Variants in GULP1 observed in about 807,000 individuals in gnomAD.
GULP1 encodes the protein PTB domain-containing engulfment adapter protein 1.
Under a neutral mutation model 40.9 loss-of-function variants are expected in GULP1, and 19 were observed. The observed-to-expected ratio is 0.46, with a 90% CI of 0.32 to 0.68. The LOEUF is 0.68. GULP1 is among the 30% of genes least tolerant of loss of function. The pLI, the probability that GULP1 is intolerant of heterozygous loss-of-function variation, is 0.03. For synonymous variants in GULP1, 119 were observed against 117.6 expected (o/e 1.01, Z -0.08); for missense variants, 312 against 362.2 (o/e 0.86, Z 1.12).
chr2:188,462,814 C>T (rs1433495275), intron 2 of GULP1, among the ~76,000 whole-genome samples: 3 of 151,936 alleles, frequency 2.0e-5, no homozygotes, highest in Non-Finnish European at 4.4e-5. Context: ...ATGAAGCTTG[C>T]AAATACCATC....
At chr2:188,489,700 C>T (rs1419443989) in intron 4 of GULP1, among the ~76,000 whole-genome samples, 1 of 151,954 alleles carries the variant, frequency 6.6e-6, no homozygotes, top group Non-Finnish European at 1.5e-5. Context: ...GTAATACTGA[C>T]ACGTGTTTAA....
chr2:188,518,867 C>CT (rs1448078299), intron 4 of GULP1, among the ~76,000 whole-genome samples: 1 of 152,252 alleles, frequency 6.6e-6, no homozygotes, highest in East Asian at 1.9e-4. Context: ...TTTATTATCT[C>CT]TATCTTTCAA....
intron 1 of GULP1, among the ~76,000 whole-genome samples, chr2:188,363,827 C>T (rs2152391787): frequency 6.6e-6 from 1 of 152,232 alleles, no homozygotes; most frequent in African/African-American, 2.4e-5. Context: ...CTTTAGCACT[C>T]ATGAAAATAA....
intron 2 of GULP1, among the ~76,000 whole-genome samples, chr2:188,409,904 C>T (rs919755557): frequency 5.3e-5 from 8 of 152,086 alleles, no homozygotes; most frequent in African/African-American, 1.9e-4. Flanking sequence ...CAATCTAGAG[C>T]AAAATGAACA....
intron 6 of GULP1, among the ~76,000 whole-genome samples, chr2:188,529,481 A>G (rs1687001114): frequency 6.6e-6 from 1 of 152,178 alleles, no homozygotes; most frequent in Non-Finnish European, 1.5e-5. Flanking sequence ...TGTGAAAGAG[A>G]TGCATACAGT....
intron 4 of GULP1, among the ~76,000 whole-genome samples, chr2:188,484,677 T>C (rs191028453): frequency 2.8e-4 from 42 of 152,292 alleles, no homozygotes; most frequent in African/African-American, 8.9e-4. Context: ...TAACGGTGTT[T>C]GGTAGGAAAC....
intron 1 of GULP1, among the ~76,000 whole-genome samples, chr2:188,371,847 G>A (rs1338912765): frequency 6.6e-6 from 1 of 152,048 alleles, no homozygotes; most frequent in East Asian, 1.9e-4. Context: ...ACAACATTGA[G>A]CAGGTGTTTG....
At chr2:188,546,381 A>G (rs972559438) in intron 7 of GULP1, among the ~76,000 whole-genome samples, 3 of 152,054 alleles carry the variant, frequency 2.0e-5, no homozygotes, top group Admixed American at 1.3e-4. Context: ...TTCTCTGACT[A>G]TAAGGAAATC....
chr2:188,366,282 C>T (rs546930246), intron 1 of GULP1, among the ~76,000 whole-genome samples: 34 of 152,032 alleles, frequency 2.2e-4, no homozygotes, highest in Non-Finnish European at 4.6e-4. Flanking sequence ...AACCAAGAAA[C>T]GGTTTACATG....
chr2:188,568,005 G>A (rs1351369779), intron 7 of GULP1, among the ~76,000 whole-genome samples: 9 of 152,036 alleles, frequency 5.9e-5, no homozygotes, highest in Admixed American at 5.2e-4. Context: ...ATTATAGCTC[G>A]TTGTTTACTT....
chr2:188,303,363 G>A (rs906198493), intron 1 of GULP1, among the ~76,000 whole-genome samples: 5 of 152,168 alleles, frequency 3.3e-5, no homozygotes, highest in African/African-American at 1.2e-4. Flanking sequence ...GTTTAAGCAG[G>A]AGGTGGAGGC....
chr2:188,563,992 G>A (rs961840685), intron 7 of GULP1, among the ~76,000 whole-genome samples: 1 of 151,892 alleles, frequency 6.6e-6, no homozygotes, highest in Non-Finnish European at 1.5e-5. Flanking sequence ...ATCAATCAAC[G>A]TAATACAACA....
intron 9 of GULP1, among the ~76,000 whole-genome samples, chr2:188,578,029 A>T (rs2153449793): frequency 6.6e-6 from 1 of 152,032 alleles, no homozygotes; most frequent in East Asian, 1.9e-4. Flanking sequence ...TTTAATTATA[A>T]ATAGAATTTT....
chr2:188,444,054 T>G (rs927758425), intron 2 of GULP1, among the ~76,000 whole-genome samples: 7 of 152,178 alleles, frequency 4.6e-5, no homozygotes, highest in East Asian at 1.9e-4. Context: ...TCCTAGCGTC[T>G]TCTTCTCTAC....
chr2:188,461,639 C>T (rs2059716169), intron 2 of GULP1, among the ~76,000 whole-genome samples: 1 of 151,664 alleles, frequency 6.6e-6, no homozygotes, highest in Non-Finnish European at 1.5e-5. Flanking sequence ...AATCTTGTTA[C>T]TTATTATTGC....
chr2:188,553,370 C>T (rs1345138094), intron 7 of GULP1, among the ~76,000 whole-genome samples: 1 of 151,988 alleles, frequency 6.6e-6, no homozygotes, highest in Admixed American at 6.6e-5. Context: ...AGATTGTTAT[C>T]ATGAAGGAAT....
At chr2:188,330,145 A>G (rs1020594344) in intron 1 of GULP1, among the ~76,000 whole-genome samples, 1 of 152,158 alleles carries the variant, frequency 6.6e-6, no homozygotes, top group East Asian at 1.9e-4. Context: ...ATATTTGTAA[A>G]TATAGTTTTC....
intron 2 of GULP1, among the ~76,000 whole-genome samples, chr2:188,470,999 A>C (rs2060543707): frequency 6.6e-6 from 1 of 152,136 alleles, no homozygotes; most frequent in Non-Finnish European, 1.5e-5. Context: ...TTAGTGCTAA[A>C]AGTGGGATGT....
intron 2 of GULP1, among the ~76,000 whole-genome samples, chr2:188,429,355 T>A (rs2056587828): frequency 6.6e-6 from 1 of 152,052 alleles, no homozygotes; most frequent in South Asian, 2.1e-4. Flanking sequence ...TACAAATAAA[T>A]AGCCAGGTGT....
Sources: gnomAD v4.1 joint callset for allele counts (sites outside exome capture counted in the v4.1 genomes callset) on GRCh38, gnomAD v4.1.1 for gene constraint, MANE v1.5 for transcripts, NCBI Gene and HGNC (gene_info 2026-07-23, HGNC 2026-07-21) for gene names.